VTI1A: variants seen among roughly 807,000 people sequenced by gnomAD.
The protein encoded by VTI1A is vesicle transport through interaction with t-SNAREs 1A.
VTI1A carries 22 observed loss-of-function variants against 34.9 expected under a neutral mutation model. The ratio of observed to expected loss-of-function variants is 0.63; its 90% CI spans 0.45 to 0.90. VTI1A has a LOEUF of 0.90. Among genes scored for constraint, VTI1A ranks in the 40% least tolerant of loss-of-function variants. The pLI is 0.00. For synonymous variants in VTI1A, 87 were observed against 97.3 expected (o/e 0.89, Z 0.62); for missense variants, 268 against 275.6 (o/e 0.97, Z 0.20).
At chr10:112,719,561 T>C (rs1034140796) in intron 7 of VTI1A, among the ~76,000 whole-genome samples, 7 of 152,190 alleles carry the variant, frequency 4.6e-5, no homozygotes, top group African/African-American at 1.4e-4. Context: ...TTTTTTTTTT[T>C]TTGAGGCAGA....
the VTI1A span, among the ~76,000 whole-genome samples, chr10:112,836,595 C>T: frequency 1.3e-5 from 2 of 152,218 alleles, no homozygotes; most frequent in Non-Finnish European, 2.9e-5. Context: ...GGGGCTTCAG[C>T]ACAAACTAAC....
At chr10:112,511,671 A>T (rs1468010642) in intron 3 of VTI1A, among the ~76,000 whole-genome samples, 2 of 152,104 alleles carry the variant, frequency 1.3e-5, no homozygotes, top group African/African-American at 4.8e-5. Flanking sequence ...ATCTTACTGA[A>T]TGTTTGCACC....
chr10:112,847,520 A>G, the VTI1A span, among the ~76,000 whole-genome samples: 3 of 152,240 alleles, frequency 2.0e-5, no homozygotes, highest in Non-Finnish European at 4.4e-5. Flanking sequence ...GTTTCCCATC[A>G]GGAGCAAGGA....
At chr10:112,850,086 A>G in the VTI1A span, among the ~76,000 whole-genome samples, 4 of 152,194 alleles carry the variant, frequency 2.6e-5, no homozygotes, top group Non-Finnish European at 5.9e-5. Context: ...CCATTTTATA[A>G]AGAGTTGGGA....
intron 5 of VTI1A, among the ~76,000 whole-genome samples, chr10:112,593,654 G>C (rs1258532283): frequency 6.6e-6 from 1 of 152,110 alleles, no homozygotes; most frequent in African/African-American, 2.4e-5. Context: ...AACATTTTTT[G>C]GTAAATACCA....
chr10:112,752,058 T>G (rs1315845826), intron 7 of VTI1A, among the ~76,000 whole-genome samples: 1 of 152,204 alleles, frequency 6.6e-6, no homozygotes, highest in Non-Finnish European at 1.5e-5. Flanking sequence ...AACTTAGAAC[T>G]CAGGGAAGTC....
chr10:112,565,568 A>G (rs1851879407), intron 5 of VTI1A, among the ~76,000 whole-genome samples: 2 of 152,188 alleles, frequency 1.3e-5, no homozygotes, highest in African/African-American at 4.8e-5. Flanking sequence ...GCCATATTAT[A>G]TTTTTAAACC....
intron 3 of VTI1A, among the ~76,000 whole-genome samples, chr10:112,518,793 T>G (rs988634985): frequency 2.6e-5 from 4 of 151,616 alleles, no homozygotes; most frequent in Non-Finnish European, 4.4e-5. Flanking sequence ...AAGAAAACAT[T>G]TAATTGATGA....
intron 7 of VTI1A, among the ~76,000 whole-genome samples, chr10:112,669,795 A>G (rs1443946924): frequency 1.3e-5 from 2 of 152,184 alleles, no homozygotes; most frequent in Admixed American, 6.6e-5. Flanking sequence ...AGAGACAACC[A>G]TCTAAAAATA....
Position 112,815,725 on chromosome 10 carries a change from T to C in VTI1A, c.*342T>C. ...AAGGGCCGTGGTTTGGGAGAGGACATGATGAGTCAGTCACGAGAGCTTCTG... is the reference window on the plus strand; with the variant it reads ...AAGGGCCGTGGTTTGGGAGAGGACACGATGAGTCAGTCACGAGAGCTTCTG... On this transcript the variant is annotated 3_prime_UTR_variant, in exon 8 of 8. Coordinates refer to ENST00000393077, the MANE Select transcript of VTI1A (RefSeq NM_145206.4). 2 of 302,036 alleles carry C rather than the reference T, an allele frequency of 6.6e-6. No individual in the cohort carries two copies. Among genetic ancestry groups the C allele is most frequent in the Non-Finnish European group, 1.2e-5 (2 of 160,112 alleles). The allele number at this position is 302,036 out of a possible 1,614,324, so 18.7% of individuals were successfully genotyped here.
chr10:112,612,555 G>T (rs905670422), intron 5 of VTI1A, among the ~76,000 whole-genome samples: 1 of 152,150 alleles, frequency 6.6e-6, no homozygotes, highest in African/African-American at 2.4e-5. Context: ...CTGATTAGCT[G>T]GAACTACAGG....
At chr10:112,514,762 C>T (rs1378997222) in intron 3 of VTI1A, among the ~76,000 whole-genome samples, 2 of 151,902 alleles carry the variant, frequency 1.3e-5, no homozygotes, top group Non-Finnish European at 2.9e-5. Context: ...TCAGATAGCT[C>T]TACTATTTAA....
At chr10:112,768,514 G>T (rs936031740) in intron 7 of VTI1A, among the ~76,000 whole-genome samples, 4 of 152,260 alleles carry the variant, frequency 2.6e-5, no homozygotes, top group Middle Eastern at 3.4e-3. Context: ...TACATTTGGG[G>T]TTTTTTCTCC....
intron 7 of VTI1A, among the ~76,000 whole-genome samples, chr10:112,705,054 C>T (rs1849146310): frequency 6.7e-6 from 1 of 148,996 alleles, no homozygotes; most frequent in African/African-American, 2.6e-5. Flanking sequence ...TGCCACCATG[C>T]CCGGCTAAGT....
intron 5 of VTI1A, among the ~76,000 whole-genome samples, chr10:112,576,021 T>TC (rs1564833838): frequency 1.5e-5 from 2 of 131,048 alleles, no homozygotes; most frequent in East Asian, 4.1e-4. Context: ...TTTCTTTTCT[T>TC]TTTTTTTTTT....
the VTI1A span, among the ~76,000 whole-genome samples, chr10:112,847,405 A>G: frequency 6.6e-6 from 1 of 152,144 alleles, no homozygotes; most frequent in Non-Finnish European, 1.5e-5. Flanking sequence ...TTCTCCTTTA[A>G]CACCTAACTT....
the VTI1A span, among the ~76,000 whole-genome samples, chr10:112,844,468 G>A: frequency 6.6e-6 from 1 of 152,158 alleles, no homozygotes; most frequent in African/African-American, 2.4e-5. Flanking sequence ...GTTCAATCTC[G>A]GCTCACTGCA....
chr10:112,828,687 G>A, the VTI1A span, among the ~76,000 whole-genome samples: 7 of 152,064 alleles, frequency 4.6e-5, no homozygotes, highest in African/African-American at 1.4e-4. Flanking sequence ...TTACAGGCAT[G>A]AGCCACCCAC....
chr10:112,836,726 G>A, the VTI1A span, among the ~76,000 whole-genome samples: 1 of 152,152 alleles, frequency 6.6e-6, no homozygotes, highest in Admixed American at 6.5e-5. Context: ...ACTGTGGATG[G>A]ATGGGACATT....
Sources: allele counts gnomAD v4.1 joint callset (sites outside exome capture counted in the v4.1 genomes callset), GRCh38; gene constraint gnomAD v4.1.1; transcripts MANE v1.5; gene names NCBI Gene and HGNC (gene_info 2026-07-23, HGNC 2026-07-21).